Variants in TRAK1 observed in about 807,000 individuals in gnomAD.
TRAK1 encodes trafficking kinesin-binding protein 1.
A neutral mutation model predicts 92.1 loss-of-function variants in TRAK1; 33 were observed. The ratio of observed to expected loss-of-function variants is 0.36; its 90% confidence interval spans 0.27 to 0.48. The LOEUF (loss-of-function observed/expected upper bound fraction) is 0.48. Among genes scored for constraint, TRAK1 ranks in the 20% least tolerant of loss-of-function variants. The pLI is 0.99. For missense variants in TRAK1, 1,123 were observed against 1,257.9 expected (o/e 0.89, Z 1.62); for synonymous variants, 521 against 517.3 (o/e 1.01, Z -0.10).
Position 42,176,911 on chromosome 3 carries a change from C to T in TRAK1, c.363+21C>T, listed in dbSNP as rs764435769. ...AGGAGGTAAGTGCTCCAGGGGAAGG[C>T]AAAAGAGTTGTTTATAATTGACTGG... On this transcript the variant is annotated intron_variant, in intron 3 of 15. Transcript: ENST00000327628. The T allele has an allele frequency of 4.0e-5, 65 of 1,608,608 alleles. No individual in the cohort carries two copies. The Middle Eastern group carries it at 1.8e-3, about 45-fold the overall frequency.
At chr3:42,206,753 A>AT (rs1187748503) in intron 13 of TRAK1, among the ~76,000 whole-genome samples, 2 of 152,196 alleles carry the variant, frequency 1.3e-5, no homozygotes, top group Non-Finnish European at 2.9e-5. Context: ...TTTAGTTGTA[A>AT]TTTCACTAAA....
chr3:42,076,749 T>C (rs1224437720), intron 1 of TRAK1, among the ~76,000 whole-genome samples: 3 of 152,224 alleles, frequency 2.0e-5, no homozygotes, highest in African/African-American at 7.2e-5. Context: ...TCTTCTTAAA[T>C]TTTTATAGTT....
At chr3:42,076,724 G>T (rs1321976288) in intron 1 of TRAK1, among the ~76,000 whole-genome samples, 1 of 152,068 alleles carries the variant, frequency 6.6e-6, no homozygotes, top group Admixed American at 6.6e-5. Flanking sequence ...GTCTAGAATG[G>T]CATTTTCTAG....
At chr3:42,190,144 T>C (rs564606893) in intron 6 of TRAK1, among the ~76,000 whole-genome samples, 2 of 152,278 alleles carry the variant, frequency 1.3e-5, no homozygotes, top group East Asian at 3.9e-4. Context: ...GAAACACCGA[T>C]AGGTGCAAAT....
chr3:42,167,191 C>T (rs1344175580), intron 2 of TRAK1, among the ~76,000 whole-genome samples: 2 of 152,220 alleles, frequency 1.3e-5, no homozygotes, highest in Non-Finnish European at 2.9e-5. Flanking sequence ...ATCTTGAGGG[C>T]ATGCACTGTG....
At chr3:42,168,106 C>T (rs1266699439) in intron 2 of TRAK1, among the ~76,000 whole-genome samples, 1 of 152,160 alleles carries the variant, frequency 6.6e-6, no homozygotes, top group South Asian at 2.1e-4. Flanking sequence ...ATGGCTGTAT[C>T]ATGAAATTAT....
chr3:42,199,368 C>T (rs1303029401), intron 11 of TRAK1, 115 bp downstream of exon 11: 1 of 950,432 alleles, frequency 1.1e-6, no homozygotes, highest in Admixed American at 2.2e-5. Context: ...GACTATTGTC[C>T]TTCCCAGTCC....
chr3:42,151,202 A>G (rs573247583), intron 2 of TRAK1: 14 of 373,580 alleles, frequency 3.7e-5, no homozygotes, highest in South Asian at 8.1e-5. Flanking sequence ...TCCTAATACC[A>G]TGACCCAAAT....
intron 14 of TRAK1, chr3:42,217,148 T>A (rs1236667173): frequency 6.9e-6 from 4 of 582,888 alleles, no homozygotes; most frequent in African/African-American, 2.0e-5. Context: ...ACCCAGGGCT[T>A]TAGGAATCAG....
intron 2 of TRAK1, among the ~76,000 whole-genome samples, chr3:42,129,550 A>C (rs1353537583): frequency 6.6e-6 from 1 of 152,132 alleles, no homozygotes; most frequent in Non-Finnish European, 1.5e-5. Flanking sequence ...CTTTTCAGAG[A>C]AGTTTTAGTG....
chr3:42,088,567 G>A (rs73828536), upstream of TRAK1, among the ~76,000 whole-genome samples: 3,142 of 152,248 alleles, frequency 0.021, 121 homozygotes, highest in African/African-American at 0.072. Flanking sequence ...CGTGTTTCCC[G>A]CAGGCCAGTG....
chr3:42,187,715 C>T (rs1705101694), intron 4 of TRAK1, among the ~76,000 whole-genome samples: 1 of 152,152 alleles, frequency 6.6e-6, no homozygotes, highest in South Asian at 2.1e-4. Flanking sequence ...GATCTGCCTG[C>T]CTCGGCCTCC....
intron 10 of TRAK1, among the ~76,000 whole-genome samples, chr3:42,196,978 TC>T: frequency 1.1e-5 from 1 of 95,020 alleles, no homozygotes; most frequent in East Asian, 2.6e-4. Context: ...TCTCTCTCTT[TC>T]TCTTTCTCTC....
chr3:42,160,515 A>G, intron 2 of TRAK1: 1 of 1,592,202 alleles, frequency 6.3e-7, no homozygotes, highest in Non-Finnish European at 8.6e-7. Flanking sequence ...TTTCCTTGTT[A>G]GTATCTAAAT....
chr3:42,218,965 G>A (rs989870508), intron 14 of TRAK1: 11 of 985,268 alleles, frequency 1.1e-5, no homozygotes, highest in Admixed American at 6.1e-5. Context: ...ATAGACAGTA[G>A]TGGAGCCAGC....
intron 2 of TRAK1, among the ~76,000 whole-genome samples, chr3:42,135,998 C>T (rs79562303): frequency 0.073 from 11,069 of 152,270 alleles, 450 homozygotes; most frequent in Middle Eastern, 0.15. Context: ...TCACCAATGA[C>T]CCTGTCCATT....
At chr3:42,084,105 A>AAG (rs1704557727), upstream of TRAK1, among the ~76,000 whole-genome samples, 1 of 152,076 alleles carries the variant, frequency 6.6e-6, no homozygotes. Flanking sequence ...GTAAGTCTTC[A>AAG]CCTCTAGAAA....
chr3:42,201,055 G>C lies in TRAK1; in HGVS notation c.1427+1G>C, dbSNP rs1258068750. On this transcript the variant is annotated splice_donor_variant, in intron 12 of 15. Transcript: ENST00000327628. LOFTEE classifies it high-confidence loss of function. ...TGGAAACAGAGGCAGCCGACCTGGG[G>C]TGAGCAAGCTGGGAGTTTTCACTTC... is the stretch of plus-strand genomic sequence containing the variant. 2 of 1,614,182 alleles carry C rather than the reference G, an allele frequency of 1.2e-6. No homozygotes were observed. Among genetic ancestry groups the C allele is most frequent in the African/African-American group, 2.7e-5 (2 of 75,062 alleles).
chr3:42,201,885 C>G (rs1459469075), intron 12 of TRAK1, among the ~76,000 whole-genome samples: 1 of 44,968 alleles, frequency 2.2e-5, no homozygotes, highest in Non-Finnish European at 5.1e-5. Context: ...GACAGACGGA[C>G]ACACACACAC....
Sources: allele counts gnomAD v4.1 joint callset (sites outside exome capture counted in the v4.1 genomes callset), GRCh38; gene constraint gnomAD v4.1.1; transcripts MANE v1.5; gene names NCBI Gene and HGNC (gene_info 2026-07-23, HGNC 2026-07-21).